FGF12: variants seen among roughly 807,000 people sequenced by gnomAD.
FGF12 encodes the protein fibroblast growth factor 12B.
Under a neutral mutation model 23.6 loss-of-function variants are expected in FGF12, and 14 were observed. The observed-to-expected ratio is 0.59, with a 90% CI of 0.39 to 0.93. The LOEUF (loss-of-function observed/expected upper bound fraction) is 0.93, where lower values mean the gene tolerates loss of function less well. Ranked by LOEUF, FGF12 falls within the 40% of genes least tolerant of loss-of-function variation. FGF12 has a pLI of 0.00. For missense variants in FGF12, 175 were observed against 217.8 expected (o/e 0.80, Z 1.24); for synonymous variants, 62 against 77.3 (o/e 0.80, Z 1.04).
rs1577189003 is a variant in FGF12, at chr3:192,161,228, G to A, written c.427+9230C>T. On this transcript the variant is annotated intron_variant, in intron 5 of 5. Transcript: ENST00000445105. ...AACGTTAAGAAATGCAAATTATTTG[G>A]CCAGCTCAAACGTACAGAATTAAAA... 4.6e-5 allele frequency among the ~76,000 whole-genome samples: 7 copies of A among 152,046 alleles called. 1 individual carries two copies. The highest frequency in any genetic ancestry group is 1.7e-4 in the African/African-American group (7 of 41,494).
chr3:192,370,440 G>A (rs1719177659), intron 2 of FGF12, among the ~76,000 whole-genome samples: 1 of 152,198 alleles, frequency 6.6e-6, no homozygotes, highest in Non-Finnish European at 1.5e-5. Flanking sequence ...CTGCTGGGGA[G>A]GCTGAGGTGG....
At chr3:192,381,925 G>A (rs902000235) in intron 2 of FGF12, among the ~76,000 whole-genome samples, 1 of 152,124 alleles carries the variant, frequency 6.6e-6, no homozygotes, top group African/African-American at 2.4e-5. Context: ...AGGGTCATTT[G>A]GGAAATTCTG....
At chr3:192,324,094 A>AAATT (rs1013601389) in intron 4 of FGF12, among the ~76,000 whole-genome samples, 4 of 150,648 alleles carry the variant, frequency 2.7e-5, no homozygotes, top group Non-Finnish European at 4.4e-5. Context: ...TGTCTCAAAA[A>AAATT]AATTAATTAA....
intron 4 of FGF12, among the ~76,000 whole-genome samples, chr3:192,279,990 A>G (rs1385455409): frequency 6.6e-6 from 1 of 152,224 alleles, no homozygotes; most frequent in Non-Finnish European, 1.5e-5. Context: ...TTACATTTAC[A>G]TAAGAGATAG....
intron 2 of FGF12, among the ~76,000 whole-genome samples, chr3:192,643,182 C>A (rs1216054679): frequency 6.6e-6 from 1 of 152,090 alleles, no homozygotes; most frequent in Non-Finnish European, 1.5e-5. Flanking sequence ...AGTGGTGGAT[C>A]ATTTAGAATG....
chr3:192,164,776 A>G (rs1479634281), intron 5 of FGF12, among the ~76,000 whole-genome samples: 1 of 152,172 alleles, frequency 6.6e-6, no homozygotes, highest in East Asian at 1.9e-4. Context: ...CAGGGTTACA[A>G]AGATGCCTTT....
chr3:192,676,540 T>C (rs1231581018), intron 2 of FGF12, among the ~76,000 whole-genome samples: 1 of 152,228 alleles, frequency 6.6e-6, no homozygotes. Flanking sequence ...TCATTATATG[T>C]GAGTTTGTGG....
At chr3:192,353,111 C>T (rs76394863) in intron 3 of FGF12, among the ~76,000 whole-genome samples, 8,035 of 152,154 alleles carry the variant, frequency 0.053, 761 homozygotes, top group African/African-American at 0.18. Flanking sequence ...TTGTATAAAT[C>T]AGAGAATGTT....
intron 2 of FGF12, among the ~76,000 whole-genome samples, chr3:192,470,722 C>A (rs1015367195): frequency 6.6e-6 from 1 of 152,166 alleles, no homozygotes; most frequent in Non-Finnish European, 1.5e-5. Flanking sequence ...CGTGAACATT[C>A]ATCATTATCA....
intron 2 of FGF12, among the ~76,000 whole-genome samples, chr3:192,362,074 C>G (rs950113591): frequency 1.3e-5 from 2 of 152,122 alleles, no homozygotes; most frequent in African/African-American, 4.8e-5. Flanking sequence ...TCATATGAGT[C>G]TCTATTCACT....
chr3:192,376,750 CT>C (rs1343033068), intron 2 of FGF12, among the ~76,000 whole-genome samples: 1 of 152,168 alleles, frequency 6.6e-6, no homozygotes, highest in Non-Finnish European at 1.5e-5. Flanking sequence ...AATTAATAAA[CT>C]TTTAAAACAT....
chr3:192,727,197 G>T lies in FGF12; in HGVS notation c.-4C>A. The T allele has an allele frequency of 1.3e-6, 2 of 1,579,142 alleles. No homozygotes were observed. Among genetic ancestry groups the T allele is most frequent in the East Asian group, 2.3e-5 (1 of 43,118 alleles). ...ACCACATACCTTTGCTCTCCATTTC[G>T]GTCCCTTTCGAGTGCTGGGAAGTTC... On this transcript the variant is annotated 5_prime_UTR_variant, in exon 2 of 6. Transcript: ENST00000445105.
chr3:192,314,391 A>G (rs1202256000), intron 4 of FGF12, among the ~76,000 whole-genome samples: 2 of 152,176 alleles, frequency 1.3e-5, no homozygotes, highest in Non-Finnish European at 2.9e-5. Flanking sequence ...AGGATTCATA[A>G]GTAAAATCTA....
At chr3:192,607,935 C>T (rs1329805817) in intron 2 of FGF12, among the ~76,000 whole-genome samples, 3 of 151,816 alleles carry the variant, frequency 2.0e-5, no homozygotes, top group South Asian at 2.1e-4. Context: ...GACTGAATTC[C>T]GCATCACAAA....
rs6798854 is a variant in FGF12, at chr3:192,336,452, G to A, written c.125-988C>T. On this transcript the variant is annotated intron_variant, in intron 3 of 5. Transcript: ENST00000445105. The surrounding 1 kb of genome is among the most constrained non-coding windows in gnomAD (Gnocchi z 4.3). ...TTATTTCAGTTACTTTTGAGATCAC[G>A]AAATGAGCATAAACAGAAAACACTG... is the stretch of plus-strand genomic sequence containing the variant. Among the ~76,000 whole-genome samples, 43,459 of 151,880 alleles carry A rather than the reference G, an allele frequency of 0.29. 11,048 individuals are homozygous for A. Among genetic ancestry groups the A allele is most frequent in the East Asian group, 0.66 (3,379 of 5,142 alleles).
rs142475296 is a variant in FGF12, at chr3:192,294,044, T to C, written c.228+41317A>G. On this transcript the variant is annotated intron_variant, in intron 4 of 5. Coordinates refer to ENST00000445105, the MANE Select transcript of FGF12 (RefSeq NM_004113.6). ...GGTGGTTTCCCCCATACTGTTCTCA[T>C]GGTAGTGAATAAATCTCATGAGATC... Among the ~76,000 whole-genome samples the C allele has an allele frequency of 6.0e-4, 91 of 152,296 alleles. 1 individual carries two copies. Among genetic ancestry groups the C allele is most frequent in the Non-Finnish European group, 1.2e-3 (79 of 68,028 alleles).
chr3:192,381,715 A>G (rs1719820447), intron 2 of FGF12, among the ~76,000 whole-genome samples: 1 of 152,302 alleles, frequency 6.6e-6, no homozygotes, highest in Middle Eastern at 3.4e-3. Flanking sequence ...TGAGGAGTAA[A>G]AAATAATAAC....
intron 2 of FGF12, among the ~76,000 whole-genome samples, chr3:192,432,628 A>AG (rs1345838756): frequency 6.7e-6 from 1 of 149,542 alleles, no homozygotes; most frequent in African/African-American, 2.4e-5. Context: ...GGCAAAAAAA[A>AG]AAAAAAAAAA....
chr3:192,322,755 G>A (rs977145306), intron 4 of FGF12, among the ~76,000 whole-genome samples: 1 of 152,092 alleles, frequency 6.6e-6, no homozygotes, highest in African/African-American at 2.4e-5. Context: ...GGGGAAAGGA[G>A]TCTCTTTGAT....
Sources: gnomAD v4.1 joint callset for allele counts (sites outside exome capture counted in the v4.1 genomes callset) on GRCh38, gnomAD v4.1.1 for gene constraint, Gnocchi (gnomAD v3.1) non-coding constraint, MANE v1.5 for transcripts, NCBI Gene and HGNC (gene_info 2026-07-23, HGNC 2026-07-21) for gene names.